The following POLA1 variants were observed in gnomAD, a reference collection of about 807,000 sequenced individuals.
POLA1 encodes the protein DNA polymerase alpha 1, catalytic subunit.
In POLA1, 15 loss-of-function variants were observed where a neutral mutation model predicts 124.0. The observed-to-expected ratio is 0.12, with a 90% CI of 0.08 to 0.19. POLA1 has a LOEUF of 0.19. POLA1 is among the 10% of genes least tolerant of loss of function. The pLI is 1.00. For missense variants in POLA1, 886 were observed against 1,103.4 expected (o/e 0.80, Z 2.79); for synonymous variants, 408 against 389.4 (o/e 1.05, Z -0.56).
intron 26 of POLA1, among the ~76,000 whole-genome samples, chrX:24,755,660 C>T (rs768167044): frequency 1.8e-5 from 2 of 111,747 alleles, no homozygotes; most frequent in East Asian, 5.6e-4. Flanking sequence ...TTTCATTATG[C>T]AGAAGTTTCT....
At chrX:24,719,991 G>A (rs1017337687) in intron 10 of POLA1, among the ~76,000 whole-genome samples, 7 of 108,950 alleles carry the variant, frequency 6.4e-5, no homozygotes, top group Admixed American at 5.9e-4. Flanking sequence ...CATGTCAGTC[G>A]TCATTAAAAA....
intron 20 of POLA1, among the ~76,000 whole-genome samples, chrX:24,741,146 TGC>T (rs149057918): frequency 0.44 from 42,431 of 97,456 alleles, 7,482 homozygotes; most frequent in East Asian, 0.62. Context: ...TGTGTGTGTG[TGC>T]GCGCGTGTGT....
chrX:24,754,750 G>A (rs1197252423), intron 26 of POLA1, among the ~76,000 whole-genome samples: 1 of 111,622 alleles, frequency 9.0e-6, no homozygotes, highest in African/African-American at 3.3e-5. Flanking sequence ...TACATGTGGT[G>A]TGTTAAAAGT....
chrX:24,763,264 G>T (rs1268488708), intron 26 of POLA1, among the ~76,000 whole-genome samples: 2 of 110,963 alleles, frequency 1.8e-5, no homozygotes, highest in East Asian at 2.8e-4. Flanking sequence ...AAGAGAAAAA[G>T]TATCAGTAAA....
intron 26 of POLA1, among the ~76,000 whole-genome samples, chrX:24,757,436 C>CTTTTTTTTTTTTTTTTTTTTTTTTTTTTT (rs66782103): frequency 8.0e-5 from 5 of 62,138 alleles, no homozygotes; most frequent in African/African-American, 4.1e-4. Flanking sequence ...AAATCTGAAA[C>CTTTTTTTTTTTTTTTTTTTTTTTTTTTTT]TTTTTTTTTT....
chrX:24,904,088 C>G (rs987432170), intron 35 of POLA1, among the ~76,000 whole-genome samples: 1 of 108,198 alleles, frequency 9.2e-6, no homozygotes, highest in Non-Finnish European at 1.9e-5. Flanking sequence ...GCACTTGGCA[C>G]CATGACTGGC....
At chrX:24,748,196 A>G (rs1932129532) in intron 24 of POLA1, 115 bp from the exon 25 acceptor site, 1 of 512,664 alleles carries the variant, frequency 2.0e-6, no homozygotes, top group Non-Finnish European at 3.2e-6. Flanking sequence ...TTGACCTTGT[A>G]TAAGATAATA....
rs57038936 is a variant in POLA1, at chrX:24,951,343, A to ACCCCCCCCCCCCCCCC, written c.4261+20809_4261+20810insCCCCCCCCCCCCCCCC. Among the ~76,000 whole-genome samples, 2 of 40,937 alleles carry ACCCCCCCCCCCCCCCC rather than the reference A, an allele frequency of 4.9e-5. 1 individual carries two copies. The highest frequency in any genetic ancestry group is 9.3e-5 in the Non-Finnish European group (2 of 21,608). 35.5% of individuals were successfully genotyped at this position (40,937 alleles called of 115,157 possible). On this transcript the variant is annotated intron_variant, in intron 36 of 36. Transcript: ENST00000379068. Reference sequence around the variant, plus strand: ...ACTCACTTTCTTTAAACACCTCCCTACCCCCCCCCCCCCCCACCAAATGCA... The same window carrying ACCCCCCCCCCCCCCCC: ...ACTCACTTTCTTTAAACACCTCCCTACCCCCCCCCCCCCCCCCCCCCCCCCCCCCCCACCAAATGCA...
intron 4 of POLA1, among the ~76,000 whole-genome samples, chrX:24,707,732 G>A (rs900519932): frequency 1.8e-5 from 2 of 112,535 alleles, no homozygotes; most frequent in African/African-American, 6.5e-5. Context: ...GGTGGCTCAC[G>A]CCTGTAATCC....
At chrX:24,931,505 CCTTGA>C (rs1296681088) in intron 36 of POLA1, among the ~76,000 whole-genome samples, 2 of 111,767 alleles carry the variant, frequency 1.8e-5, no homozygotes, top group Non-Finnish European at 3.8e-5. Flanking sequence ...TTTTTAAATG[CCTTGA>C]CTTATTTGGT....
In POLA1 at chrX:24,727,875, C is replaced by T; in HGVS notation, c.1625C>T (p.Pro542Leu). The change falls in exon 15 of 37, where the codon CCG becomes CTG. Residue 542 changes from proline to leucine, a missense_variant. Around this residue, in one of 7 missense-constraint regions of POLA1, gnomAD observed 337 missense variants for 402.8 expected, o/e 0.84. Coordinates refer to ENST00000379068, the MANE Select transcript of POLA1 (RefSeq NM_001330360.2). ...VNVIKDVSPP[P>L]LVVMAFSMKT... ...GTAATTAAGGATGTCAGTCCACCACCGCTTGTCGTGATGGCTTTCAGCATG... is the reference window on the plus strand; with the variant it reads ...GTAATTAAGGATGTCAGTCCACCACTGCTTGTCGTGATGGCTTTCAGCATG... The T allele has an allele frequency of 8.3e-7, 1 of 1,209,070 alleles. No homozygotes were observed. Among genetic ancestry groups the T allele is most frequent in the Non-Finnish European group, 1.1e-6 (1 of 892,962 alleles).
intron 35 of POLA1, among the ~76,000 whole-genome samples, chrX:24,915,064 G>A (rs1052595066): frequency 9.8e-5 from 11 of 111,904 alleles, no homozygotes; most frequent in Non-Finnish European, 5.6e-5. Flanking sequence ...GTATATCTGA[G>A]CAAGGTGAAA....
chrX:24,826,531 C>A lies in POLA1; in HGVS notation c.3666C>A (p.Ile1222=). 1 of 1,206,555 alleles carries A rather than the reference C, an allele frequency of 8.3e-7. No homozygotes were observed. Among genetic ancestry groups the A allele is most frequent in the Non-Finnish European group, 1.1e-6 (1 of 891,630 alleles). The part of the protein sequence containing the change: ...IDTQYYLAQQ[I]HPVVARICEP... ...CCCAGTACTACCTGGCCCAGCAGAT[C>A]CACCCAGTCGTGGCTCGGATCTGTG... The change falls in exon 32 of 37, where the codon ATC becomes ATA. Residue 1222 remains isoleucine, a synonymous_variant. Coordinates refer to ENST00000379068, the MANE Select transcript of POLA1 (RefSeq NM_001330360.2).
intron 30 of POLA1, among the ~76,000 whole-genome samples, chrX:24,819,315 T>C (rs2046047279): frequency 8.9e-6 from 1 of 112,283 alleles, no homozygotes; most frequent in African/African-American, 3.2e-5. Context: ...TCTAAAATTC[T>C]AATTTGCACT....
intron 25 of POLA1, 142 bp downstream of exon 25, chrX:24,748,602 C>T: frequency 5.3e-6 from 3 of 563,411 alleles, no homozygotes; most frequent in African/African-American, 2.3e-5. Context: ...TACTAGAGTG[C>T]CTCAGAATGG....
chrX:24,939,654 A>T (rs371761981), intron 36 of POLA1, among the ~76,000 whole-genome samples: 11 of 111,912 alleles, frequency 9.8e-5, no homozygotes, highest in East Asian at 5.6e-4. Flanking sequence ...ACTTTAGTTT[A>T]GAGCTGGAAC....
At chrX:24,700,453 G>C (rs899121419) in intron 2 of POLA1, among the ~76,000 whole-genome samples, 6 of 111,965 alleles carry the variant, frequency 5.4e-5, no homozygotes, top group Non-Finnish European at 7.5e-5. Context: ...TTCAAGTTAA[G>C]TGAGGCAACC....
intron 34 of POLA1, among the ~76,000 whole-genome samples, chrX:24,883,431 G>T (rs919836049): frequency 8.9e-6 from 1 of 112,161 alleles, no homozygotes; most frequent in Middle Eastern, 4.2e-3. Flanking sequence ...ATAACAGTTT[G>T]TGTTTAAGGT....
intron 4 of POLA1, among the ~76,000 whole-genome samples, chrX:24,707,110 A>G (rs1173314184): frequency 1.8e-5 from 2 of 112,099 alleles, no homozygotes; most frequent in Admixed American, 1.9e-4. Flanking sequence ...CCAATTGTGT[A>G]TTTCTAGTTT....
Sources: gnomAD v4.1 joint callset for allele counts (sites outside exome capture counted in the v4.1 genomes callset) on GRCh38, gnomAD v4.1.1 for gene constraint, gnomAD v4.1.1 regional missense constraint, MANE v1.5 for transcripts, NCBI Gene and HGNC (gene_info 2026-07-23, HGNC 2026-07-21) for gene names.